Variants in EPB41L3 observed in about 807,000 individuals in gnomAD.
The protein encoded by EPB41L3 is band 4.1-like protein 3.
A neutral mutation model predicts 127.1 loss-of-function variants in EPB41L3; 57 were observed. The ratio of observed to expected loss-of-function variants is 0.45; its 90% CI spans 0.36 to 0.56. The LOEUF (loss-of-function observed/expected upper bound fraction) is 0.56, where lower values mean the gene tolerates loss of function less well. Ranked by LOEUF, EPB41L3 falls within the 20% of genes least tolerant of loss-of-function variation. The pLI is 0.00. For missense variants in EPB41L3, 1,273 were observed against 1,372.2 expected (o/e 0.93, Z 1.14); for synonymous variants, 572 against 549.5 (o/e 1.04, Z -0.57).
intron 3 of EPB41L3, among the ~76,000 whole-genome samples, chr18:5,610,839 C>A (rs1445998114): frequency 1.3e-5 from 2 of 152,140 alleles, no homozygotes; most frequent in African/African-American, 4.8e-5. Flanking sequence ...AAATAATTAA[C>A]ATGTCATTAA....
intron 3 of EPB41L3, among the ~76,000 whole-genome samples, chr18:5,561,501 A>G (rs1697986313): frequency 6.6e-6 from 1 of 152,194 alleles, no homozygotes; most frequent in South Asian, 2.1e-4. Context: ...CCATGAGTCC[A>G]TACTCCTAAA....
Position 5,406,774 on chromosome 18 carries a change from G to T in EPB41L3, c.2349+3C>A. 6.2e-7 allele frequency: 1 copy of T among 1,612,404 alleles called. No individual in the cohort carries two copies. Among genetic ancestry groups the T allele is most frequent in the South Asian group, 1.1e-5 (1 of 90,996 alleles). On this transcript the variant is annotated splice_donor_region_variant and intron_variant, in intron 16 of 22. Transcript: ENST00000341928. Reference sequence around the variant, plus strand: ...GAGTCTGACCACAAACCTGACTACTGACCTCTTCAGGGACAAGTGGTTCGA... The same window carrying T: ...GAGTCTGACCACAAACCTGACTACTTACCTCTTCAGGGACAAGTGGTTCGA...
At chr18:5,549,580 TAAAAAG>T (rs1568560092) in intron 3 of EPB41L3, among the ~76,000 whole-genome samples, 1 of 152,166 alleles carries the variant, frequency 6.6e-6, no homozygotes, top group African/African-American at 2.4e-5. Flanking sequence ...ATAAAAATCT[TAAAAAG>T]AATAAAACTA....
rs535751661 is a variant in EPB41L3 at position 5,478,608 on chromosome 18, G to C, written c.184-170C>G. ...TATTTATAATATTTGCCTAAATACT[G>C]TTTGCCATTTAAATGTATCAATAAG... is the stretch of plus-strand genomic sequence containing the variant. On this transcript the variant is annotated intron_variant, in intron 2 of 22. Transcript: ENST00000341928. 2.0e-5 allele frequency among the ~76,000 whole-genome samples: 3 copies of C among 152,288 alleles called. No homozygotes were observed. In the South Asian group the frequency reaches 6.2e-4, roughly 32 times the overall value.
At chr18:5,472,141 T>C (rs2086259638) in intron 3 of EPB41L3, among the ~76,000 whole-genome samples, 1 of 152,234 alleles carries the variant, frequency 6.6e-6, no homozygotes, top group South Asian at 2.1e-4. Context: ...TTTTTAAAAA[T>C]GAAAACCAGG....
intron 5 of EPB41L3, among the ~76,000 whole-genome samples, chr18:5,443,137 T>C (rs955011935): frequency 6.6e-6 from 1 of 152,180 alleles, no homozygotes; most frequent in African/African-American, 2.4e-5. Flanking sequence ...ACAAGTGAAA[T>C]TAAGGGTCAA....
intron 6 of EPB41L3, among the ~76,000 whole-genome samples, chr18:5,435,150 T>A (rs575445459): frequency 1.7e-4 from 26 of 152,208 alleles, no homozygotes; most frequent in Non-Finnish European, 7.3e-5. Context: ...TGCAGCTGTA[T>A]GATGTGTGTT....
chr18:5,453,873 G>A (rs2082635944), intron 3 of EPB41L3, among the ~76,000 whole-genome samples: 1 of 152,114 alleles, frequency 6.6e-6, no homozygotes, highest in Non-Finnish European at 1.5e-5. Flanking sequence ...CATTATTTTG[G>A]ACGAATCTAA....
rs186325876 is a variant in EPB41L3, at chr18:5,530,163, T to C, written c.-12+13750A>G. Among the ~76,000 whole-genome samples, 426 of 152,328 alleles carry C rather than the reference T, an allele frequency of 2.8e-3. 2 individuals carry two copies. The highest frequency in any genetic ancestry group is 5.2e-3 in the Admixed American group (79 of 15,294). ...ATTAGCACCATTTATTGGGTACTTA[T>C]GTGCAAAGTACTTATATTTGGGGTT... On this transcript the variant is annotated intron_variant, in intron 1 of 22. Transcript: ENST00000341928.
rs190457479 is a variant in EPB41L3 at position 5,441,506 on chromosome 18, C to G, written c.529+2332G>C. Reference sequence around the variant, plus strand: ...TTTGACACGGAGTTTCGCTCTGTCGCCCAGGCTGGAGCGCAGTGGCGCGAT... The same window carrying G: ...TTTGACACGGAGTTTCGCTCTGTCGGCCAGGCTGGAGCGCAGTGGCGCGAT... On this transcript the variant is annotated intron_variant, in intron 5 of 22. Coordinates refer to ENST00000341928, the MANE Select transcript of EPB41L3 (RefSeq NM_012307.5). Among the ~76,000 whole-genome samples the G allele has an allele frequency of 3.8e-3, 574 of 149,976 alleles. 4 individuals carry two copies. Among genetic ancestry groups the G allele is most frequent in the African/African-American group, 0.013 (541 of 40,412 alleles).
intron 3 of EPB41L3, among the ~76,000 whole-genome samples, chr18:5,603,995 C>T (rs1568634190): frequency 6.6e-6 from 1 of 151,544 alleles, no homozygotes. Context: ...ATATCTCCTT[C>T]CAGAAGTGTC....
In EPB41L3 at chr18:5,530,762, A is replaced by G. The variant is rs1192187926; in HGVS notation, c.-12+13151T>C. On this transcript the variant is annotated intron_variant, in intron 1 of 22. Transcript: ENST00000341928. ...CCACTCCCTCTCCGTCCAAAGCCAC[A>G]CACCCACAGCTGGTAGGTGAGCTTC... Among the ~76,000 whole-genome samples, 3 of 152,092 alleles carry G rather than the reference A, an allele frequency of 2.0e-5. No individual in the cohort carries two copies. The East Asian group carries it at 5.8e-4, about 29-fold the overall frequency.
intron 1 of EPB41L3, among the ~76,000 whole-genome samples, chr18:5,517,002 A>G (rs2092776274): frequency 6.6e-6 from 1 of 152,182 alleles, no homozygotes. Context: ...AGTCTCACAG[A>G]TGCATGTGAA....
At chr18:5,576,432 C>T (rs891639793) in intron 3 of EPB41L3, among the ~76,000 whole-genome samples, 1 of 152,164 alleles carries the variant, frequency 6.6e-6, no homozygotes, top group African/African-American at 2.4e-5. Flanking sequence ...GAAACAGTCC[C>T]TTCTGAAACA....
At chr18:5,463,293 C>CTCA (rs2084363387) in intron 3 of EPB41L3, among the ~76,000 whole-genome samples, 1 of 152,204 alleles carries the variant, frequency 6.6e-6, no homozygotes, top group Admixed American at 6.5e-5. Context: ...CTCAGAAGCA[C>CTCA]TCATCCCCTA....
At chr18:5,590,761 T>C (rs561226595) in intron 3 of EPB41L3, among the ~76,000 whole-genome samples, 2 of 152,328 alleles carry the variant, frequency 1.3e-5, no homozygotes, top group South Asian at 4.1e-4. Flanking sequence ...ACAACTTGCA[T>C]GAATCTCAAA....
At chr18:5,588,299 G>T (rs1056821782) in intron 3 of EPB41L3, among the ~76,000 whole-genome samples, 1 of 151,960 alleles carries the variant, frequency 6.6e-6, no homozygotes, top group African/African-American at 2.4e-5. Context: ...AAAATTATAT[G>T]AATAGGAATT....
chr18:5,569,910 T>C (rs2149249484), intron 3 of EPB41L3, among the ~76,000 whole-genome samples: 1 of 152,356 alleles, frequency 6.6e-6, no homozygotes, highest in Non-Finnish European at 1.5e-5. Flanking sequence ...GCTGTTTTCT[T>C]TTAAATGTTA....
chr18:5,474,725 G>C (rs1262390095), intron 3 of EPB41L3, among the ~76,000 whole-genome samples: 3 of 152,076 alleles, frequency 2.0e-5, no homozygotes, highest in East Asian at 1.9e-4. Flanking sequence ...ATATTGGAGA[G>C]AGGGATTAGG....
Sources: gnomAD v4.1 joint callset for allele counts (sites outside exome capture counted in the v4.1 genomes callset) on GRCh38, gnomAD v4.1.1 for gene constraint, MANE v1.5 for transcripts, NCBI Gene and HGNC (gene_info 2026-07-23, HGNC 2026-07-21) for gene names.